Variants in MTUS2 observed in about 807,000 individuals in gnomAD.
The protein encoded by MTUS2 is microtubule-associated tumor suppressor candidate 2.
In MTUS2, 40 loss-of-function variants were observed where a neutral mutation model predicts 114.1. The ratio of observed to expected loss-of-function variants is 0.35; its 90% confidence interval spans 0.27 to 0.46. The LOEUF (loss-of-function observed/expected upper bound fraction) is 0.46. Ranked by LOEUF, MTUS2 falls within the 20% of genes least tolerant of loss-of-function variation. The pLI, the probability that MTUS2 is intolerant of heterozygous loss-of-function variation, is 1.00. For synonymous variants in MTUS2, 688 were observed against 672.0 expected, an observed-to-expected ratio of 1.02 and a Z score of -0.37; for missense variants, 1,679 against 1,705.4, an observed-to-expected ratio of 0.98 and a Z score of 0.27.
At chr13:28,829,602 A>G (rs1566162594) in intron 1 of MTUS2, among the ~76,000 whole-genome samples, 1 of 152,180 alleles carries the variant, frequency 6.6e-6, no homozygotes, top group Admixed American at 6.5e-5. Flanking sequence ...AGAGCCCTCT[A>G]AGATCCCCAG....
intron 2 of MTUS2, among the ~76,000 whole-genome samples, chr13:29,013,453 C>T (rs1885935567): frequency 6.6e-6 from 1 of 152,150 alleles, no homozygotes; most frequent in Non-Finnish European, 1.5e-5. Context: ...TTCTGGTAAG[C>T]AGATAGGGTT....
At chr13:29,436,185 G>A (rs758293415) in intron 8 of MTUS2, among the ~76,000 whole-genome samples, 11 of 152,156 alleles carry the variant, frequency 7.2e-5, no homozygotes, top group Admixed American at 1.3e-4. Flanking sequence ...GATCCAGGCC[G>A]AGGCTCAGTG....
intron 9 of MTUS2, among the ~76,000 whole-genome samples, chr13:29,469,979 C>T (rs1234454098): frequency 2.0e-5 from 3 of 152,100 alleles, no homozygotes; most frequent in Non-Finnish European, 4.4e-5. Context: ...AGGAAAACAT[C>T]AGTGCCCTTT....
At chr13:28,986,869 C>A (rs116537686) in intron 2 of MTUS2, among the ~76,000 whole-genome samples, 2,868 of 152,220 alleles carry the variant, frequency 0.019, 82 homozygotes, top group African/African-American at 0.066. Context: ...TGCCACATTG[C>A]AAGTGTTCAG....
At chr13:28,866,598 C>T (rs935330811) in intron 2 of MTUS2, among the ~76,000 whole-genome samples, 2 of 152,134 alleles carry the variant, frequency 1.3e-5, no homozygotes, top group African/African-American at 4.8e-5. Flanking sequence ...TAAATACTTA[C>T]ATTTATTATG....
intron 4 of MTUS2, among the ~76,000 whole-genome samples, chr13:29,083,477 A>G (rs751083725): frequency 7.9e-5 from 12 of 152,200 alleles, no homozygotes; most frequent in Non-Finnish European, 1.3e-4. Flanking sequence ...TTGACTAAGA[A>G]GCTGTTGAAG....
intron 6 of MTUS2, among the ~76,000 whole-genome samples, chr13:29,294,669 A>T (rs188038168): frequency 7.4e-4 from 112 of 152,320 alleles, no homozygotes; most frequent in African/African-American, 2.5e-3. Context: ...AGTTTCCAAA[A>T]GTCCTCTCTC....
chr13:29,093,172 C>CTGTAG (rs1448341353), intron 4 of MTUS2, among the ~76,000 whole-genome samples: 1 of 152,146 alleles, frequency 6.6e-6, no homozygotes, highest in African/African-American at 2.4e-5. Flanking sequence ...TGGCTGGGTG[C>CTGTAG]TGTAGCTCAT....
At chr13:28,832,846 A>G (rs773946416) in intron 1 of MTUS2, among the ~76,000 whole-genome samples, 1 of 151,860 alleles carries the variant, frequency 6.6e-6, no homozygotes, top group Non-Finnish European at 1.5e-5. Context: ...CTAACTGACT[A>G]ATAGAAAAAG....
intron 2 of MTUS2, among the ~76,000 whole-genome samples, chr13:28,905,396 A>G (rs1471582617): frequency 6.6e-6 from 1 of 151,588 alleles, no homozygotes; most frequent in Non-Finnish European, 1.5e-5. Context: ...TGGGTTTGTC[A>G]TAGATAGCTC....
At chr13:28,957,812 C>A (rs914435314) in intron 2 of MTUS2, among the ~76,000 whole-genome samples, 1 of 152,190 alleles carries the variant, frequency 6.6e-6, no homozygotes, top group African/African-American at 2.4e-5. Flanking sequence ...TTGGGAACCA[C>A]GTCTTTTCTC....
intron 1 of MTUS2, among the ~76,000 whole-genome samples, chr13:28,837,095 G>T (rs1875139009): frequency 6.6e-6 from 1 of 152,132 alleles, no homozygotes; most frequent in Non-Finnish European, 1.5e-5. Context: ...TGAATCGAGA[G>T]ACCGCTTCTC....
At chr13:28,863,528 C>T (rs879517761) in intron 2 of MTUS2, among the ~76,000 whole-genome samples, 2 of 152,124 alleles carry the variant, frequency 1.3e-5, no homozygotes, top group Admixed American at 6.5e-5. Context: ...TCCTTGCCTG[C>T]GAGTGAGCTT....
intron 5 of MTUS2, among the ~76,000 whole-genome samples, chr13:29,191,851 AT>A (rs1158562775): frequency 2.6e-5 from 4 of 152,316 alleles, no homozygotes; most frequent in African/African-American, 9.6e-5. Flanking sequence ...ACAATCATCA[AT>A]TTCTATGCCT....
intron 4 of MTUS2, among the ~76,000 whole-genome samples, chr13:29,077,816 G>A (rs1451552538): frequency 6.6e-6 from 1 of 152,142 alleles, no homozygotes; most frequent in African/African-American, 2.4e-5. Context: ...TGACAATGTT[G>A]GATGGATCTT....
At chr13:29,043,738 CTGTTTCTCT>C (rs1887482718) in intron 4 of MTUS2, among the ~76,000 whole-genome samples, 1 of 150,500 alleles carries the variant, frequency 6.6e-6, no homozygotes, top group Admixed American at 6.6e-5. Flanking sequence ...GTTTTAAAGT[CTGTTTCTCT>C]AGACTTTAAA....
At chr13:28,892,705 A>T (rs1404575578) in intron 2 of MTUS2, among the ~76,000 whole-genome samples, 2 of 151,868 alleles carry the variant, frequency 1.3e-5, no homozygotes, top group African/African-American at 4.8e-5. Flanking sequence ...TCTTTCCCTT[A>T]TCTCCTGATT....
intron 4 of MTUS2, among the ~76,000 whole-genome samples, chr13:29,042,557 G>A (rs1393109427): frequency 6.6e-6 from 1 of 152,078 alleles, no homozygotes; most frequent in East Asian, 1.9e-4. Flanking sequence ...GTTCTTCTTT[G>A]AAGGTCTCAT....
At chr13:28,908,754 A>G (rs1447631361) in intron 2 of MTUS2, among the ~76,000 whole-genome samples, 1 of 151,566 alleles carries the variant, frequency 6.6e-6, no homozygotes, top group Non-Finnish European at 1.5e-5. Context: ...TTTAGACATG[A>G]GTCCTTGCCC....
Sources: allele counts gnomAD v4.1 joint callset (sites outside exome capture counted in the v4.1 genomes callset), GRCh38; gene constraint gnomAD v4.1.1; transcripts MANE v1.5; gene names NCBI Gene and HGNC (gene_info 2026-07-23, HGNC 2026-07-21).